MROH1: variants seen among roughly 807,000 people sequenced by gnomAD.
MROH1 encodes maestro heat like repeat family member 1.
MROH1 carries 117 observed loss-of-function variants against 116.5 expected under a neutral mutation model. That is an observed-to-expected ratio of 1.00 (90% confidence interval 0.86 to 1.17). The LOEUF (loss-of-function observed/expected upper bound fraction) is 1.17, where lower values mean the gene tolerates loss of function less well. MROH1 is among the 50% of genes most tolerant of loss of function. The pLI is 0.00. For missense variants in MROH1, 1,873 were observed against 1,338.5 expected, an observed-to-expected ratio of 1.40 and a Z score of -6.23; for synonymous variants, 921 against 583.9, an observed-to-expected ratio of 1.58 and a Z score of -8.32.
At chr8:144,177,772 T>G (rs961503263) in intron 4 of MROH1, among the ~76,000 whole-genome samples, 2 of 9,900 alleles carry the variant, frequency 2.0e-4, no homozygotes, top group Middle Eastern at 0.045. Flanking sequence ...TTTGAAAGCA[T>G]GTGGCTTCTT....
intron 33 of MROH1, among the ~76,000 whole-genome samples, chr8:144,253,260 T>A (rs1843144972): frequency 1.3e-5 from 2 of 152,214 alleles, no homozygotes; most frequent in Non-Finnish European, 2.9e-5. Context: ...AAAAGAATAT[T>A]TCATGACACG....
In MROH1 at chr8:144,179,500, G is replaced by T. The variant is rs771893046; in HGVS notation, c.214G>T (p.Val72Phe). The T allele has an allele frequency of 3.1e-6, 5 of 1,613,506 alleles. No homozygotes were observed. The African/African-American group carries it at 6.7e-5, about 22-fold the overall frequency. Residue 72 changes from valine to phenylalanine, a missense_variant, in exon 5 of 44, where the codon GTC (valine) becomes TTC (phenylalanine). By Grantham distance (50) the Val-to-Phe change is conservative. Coordinates refer to ENST00000326134, the MANE Select transcript of MROH1 (RefSeq NM_032450.3). ...AGCGGTCCTGAGGGCCATGGAGAGG[G>T]TCCTGAGCAGTCGCGCCAGTGAGCT... is the stretch of plus-strand genomic sequence containing the variant. ...RAAVLRAMER[V>F]LSSRASELDK...
chr8:144,243,359 A>G lies in MROH1; in HGVS notation c.2353-135A>G, dbSNP rs1841345519. Reference sequence around the variant, plus strand: ...TTCTTCCACATGGACTTTGATAAGCAAAAGGGCTGGCTAGAGAGCTCCTTT... The same window carrying G: ...TTCTTCCACATGGACTTTGATAAGCGAAAGGGCTGGCTAGAGAGCTCCTTT... On this transcript the variant is annotated intron_variant, in intron 24 of 43. Coordinates refer to ENST00000326134, the MANE Select transcript of MROH1 (RefSeq NM_032450.3). 12 of 684,506 alleles carry G rather than the reference A, an allele frequency of 1.8e-5. No homozygotes were observed. In the South Asian group the frequency reaches 1.8e-4, roughly 10 times the overall value. 42.4% of individuals were successfully genotyped at this position (684,506 alleles called of 1,614,324 possible). A position where few individuals can be genotyped will look rare whatever the true frequency, so the allele number is the denominator to read the frequency against.
Position 144,152,555 on chromosome 8 carries a change from A to ATTATTATTT in MROH1, c.-177+4481_-177+4482insATTATTTTT, listed in dbSNP as rs1369841266. Among the ~76,000 whole-genome samples the ATTATTATTT allele has an allele frequency of 3.1e-3, 405 of 130,584 alleles. 4 individuals are homozygous for ATTATTATTT. Among genetic ancestry groups the ATTATTATTT allele is most frequent in the African/African-American group, 0.011 (389 of 35,984 alleles). The allele number at this position is 130,584 out of a possible 152,430, so 85.7% of individuals were successfully genotyped here. A position where few individuals can be genotyped will look rare whatever the true frequency, so the allele number is the denominator to read the frequency against. ...AGGCGTGTGAAAAATTATTATTATT[A>ATTATTATTT]TTTTTTTTTTTGAGACAGTCTCGCT... On this transcript the variant is annotated intron_variant, in intron 1 of 43. Coordinates refer to ENST00000326134, the MANE Select transcript of MROH1 (RefSeq NM_032450.3).
intron 3 of MROH1, among the ~76,000 whole-genome samples, chr8:144,165,158 G>GTTTTTT: frequency 6.9e-6 from 1 of 145,700 alleles, no homozygotes. Context: ...GTCTCACTCT[G>GTTTTTT]TCGCAGAGGC....
chr8:144,254,833 G>C lies in MROH1; in HGVS notation c.3449G>C (p.Arg1150Pro). Residue 1150 changes from arginine to proline, a missense_variant, in exon 34 of 44, where the codon CGG (arginine) becomes CCG (proline). Coordinates refer to ENST00000326134, the MANE Select transcript of MROH1 (RefSeq NM_032450.3). ...TCCAGCCACACCTGCATGCTGTGGC[G>C]GGCGCTGGCGGTGGAGCCTCGCCTA... ...PLDSHTCMLW[R>P]ALAVEPRLAA... 1 of 776,776 alleles carries C rather than the reference G, an allele frequency of 1.3e-6. No individual in the cohort carries two copies. The highest frequency in any genetic ancestry group is 2.4e-5 in the East Asian group (1 of 41,236). The allele number at this position is 776,776 out of a possible 1,614,324, so 48.1% of individuals were successfully genotyped here. A position where few individuals can be genotyped will look rare whatever the true frequency, so the allele number is the denominator to read the frequency against.
intron 14 of MROH1, among the ~76,000 whole-genome samples, chr8:144,223,617 G>A (rs1837259068): frequency 6.6e-6 from 1 of 152,204 alleles, no homozygotes; most frequent in African/African-American, 2.4e-5. Flanking sequence ...GAAATGGAGA[G>A]TTTGTCCTAT....
At chr8:144,174,737 C>A in intron 4 of MROH1, 1 of 649,404 alleles carries the variant, frequency 1.5e-6, no homozygotes, top group Non-Finnish European at 1.9e-6. Context: ...CCCACCTTGG[C>A]CTCCCAAAGT....
intron 12 of MROH1, among the ~76,000 whole-genome samples, chr8:144,206,410 TG>T (rs1832814300): frequency 6.6e-6 from 1 of 151,832 alleles, no homozygotes; most frequent in Non-Finnish European, 1.5e-5. Context: ...AACAGACACT[TG>T]GGTTGTTCAT....
rs144134946 is a variant in MROH1, at chr8:144,223,994, A to G, written c.1338+764A>G. On this transcript the variant is annotated intron_variant, in intron 14 of 43. Coordinates refer to ENST00000326134, the MANE Select transcript of MROH1 (RefSeq NM_032450.3). ...GCCTCTAAGTGCGTGGTCGTCAGTG[A>G]GGAAGCCGCACACATGCCTGTTCTG... Among the ~76,000 whole-genome samples, 1,017 of 152,302 alleles carry G rather than the reference A, an allele frequency of 6.7e-3. 11 individuals carry two copies. The highest frequency in any genetic ancestry group is 0.031 in the Admixed American group (478 of 15,288).
chr8:144,150,173 T>C (rs1816377394), intron 1 of MROH1, among the ~76,000 whole-genome samples: 1 of 152,202 alleles, frequency 6.6e-6, no homozygotes, highest in Non-Finnish European at 1.5e-5. Context: ...ATACTTTTTG[T>C]GGCCGGAGGG....
intron 14 of MROH1, among the ~76,000 whole-genome samples, chr8:144,233,221 T>C (rs557839928): frequency 1.3e-5 from 2 of 152,076 alleles, no homozygotes; most frequent in African/African-American, 4.8e-5. Flanking sequence ...TTCAGCGACT[T>C]TAAGCTCATT....
intron 14 of MROH1, among the ~76,000 whole-genome samples, chr8:144,238,007 A>G (rs1328340909): frequency 6.6e-6 from 1 of 152,236 alleles, no homozygotes; most frequent in African/African-American, 2.4e-5. Context: ...ATTTATTGTT[A>G]TATTGAATCT....
rs1844768688 is a variant in MROH1, at chr8:144,260,252, C to CA, written c.4259dup (p.His1420GlnfsTer42). ...CGGGCTGGACGACGGGGACAACCCT[C>CA]ACAGCCCAGTGGCCCTGGAGGCCAT... On this transcript the variant is annotated frameshift_variant, in exon 39 of 44. Transcript: ENST00000326134. LOFTEE classifies it high-confidence loss of function. 1 of 766,454 alleles carries CA rather than the reference C, an allele frequency of 1.3e-6. No homozygotes were observed. The highest frequency in any genetic ancestry group is 2.4e-6 in the Non-Finnish European group (1 of 417,472). 47.5% of individuals were successfully genotyped at this position (766,454 alleles called of 1,614,324 possible).
chr8:144,187,672 G>A (rs1042802901), intron 7 of MROH1, among the ~76,000 whole-genome samples: 3 of 152,234 alleles, frequency 2.0e-5, no homozygotes, highest in African/African-American at 7.2e-5. Flanking sequence ...AGCTTCTGAT[G>A]AGAGTCCCGC....
At chr8:144,177,573 A>G (rs1212496122) in intron 4 of MROH1, among the ~76,000 whole-genome samples, 1 of 152,082 alleles carries the variant, frequency 6.6e-6, no homozygotes, top group Non-Finnish European at 1.5e-5. Context: ...GTCAGAGTGG[A>G]TGAGGGGAGT....
At position 144,243,587 on chromosome 8, in the gene MROH1, C is replaced by T. The variant is rs900987053; in HGVS notation, c.2446C>T (p.Arg816Trp). 3.8e-6 allele frequency: 3 copies of T among 780,062 alleles called. No individual in the cohort carries two copies. The highest frequency in any genetic ancestry group is 1.7e-5 in the African/African-American group (1 of 59,250). 48.3% of individuals were successfully genotyped at this position (780,062 alleles called of 1,614,324 possible). Residue 816 changes from arginine to tryptophan, a missense_variant, in exon 25 of 44, where the codon CGG becomes TGG. Arg to Trp is a moderately radical substitution (Grantham distance 101). Coordinates refer to ENST00000326134, the MANE Select transcript of MROH1 (RefSeq NM_032450.3). ...STQAGSFHFT[R>W]KAELVAQMME... ...CCAGGCTGGCTCCTTCCACTTCACC[C>T]GGAAAGCAGAGCTGGTGGCACAGAT...
chr8:144,225,594 C>T (rs1837633182), intron 14 of MROH1, among the ~76,000 whole-genome samples: 1 of 151,966 alleles, frequency 6.6e-6, no homozygotes, highest in African/African-American at 2.4e-5. Flanking sequence ...CTCTGTTGCC[C>T]AGGCTGGAGT....
At chr8:144,153,201 C>T (rs1248510858) in intron 1 of MROH1, among the ~76,000 whole-genome samples, 3 of 145,332 alleles carry the variant, frequency 2.1e-5, no homozygotes, top group African/African-American at 7.6e-5. Context: ...GGAATTCCTT[C>T]TTTTTTTTTT....
Sources: allele counts gnomAD v4.1 joint callset (sites outside exome capture counted in the v4.1 genomes callset), GRCh38; gene constraint gnomAD v4.1.1; transcripts MANE v1.5; gene names NCBI Gene and HGNC (gene_info 2026-07-23, HGNC 2026-07-21).